Variants in ATP9B observed in about 807,000 individuals in gnomAD.
ATP9B encodes ATPase phospholipid transporting 9B.
A neutral mutation model predicts 146.1 loss-of-function variants in ATP9B; 110 were observed. The observed-to-expected ratio is 0.75, with a 90% confidence interval of 0.65 to 0.88. The LOEUF (loss-of-function observed/expected upper bound fraction) is 0.88. Among genes scored for constraint, ATP9B ranks in the 40% least tolerant of loss-of-function variants. The pLI is 0.00. For missense variants in ATP9B, 1,499 were observed against 1,496.4 expected (o/e 1.00, Z -0.03); for synonymous variants, 604 against 569.7 (o/e 1.06, Z -0.86).
intron 15 of ATP9B, among the ~76,000 whole-genome samples, chr18:79,314,132 A>T (rs568794064): frequency 6.6e-6 from 1 of 152,216 alleles, no homozygotes; most frequent in Non-Finnish European, 1.5e-5. Context: ...GATGTTTTCT[A>T]TTTAACCTCA....
chr18:79,222,851 T>C (rs985352702), intron 11 of ATP9B, among the ~76,000 whole-genome samples: 7 of 152,244 alleles, frequency 4.6e-5, no homozygotes, highest in Non-Finnish European at 8.8e-5. Context: ...GACTCGTTTA[T>C]AAAAGCCAGC....
At chr18:79,184,587 T>C (rs1453674109) in intron 8 of ATP9B, among the ~76,000 whole-genome samples, 1 of 152,184 alleles carries the variant, frequency 6.6e-6, no homozygotes, top group African/African-American at 2.4e-5. Context: ...TTTATTAAGG[T>C]AAGTTTTATC....
intron 13 of ATP9B, among the ~76,000 whole-genome samples, chr18:79,285,094 T>A (rs1323783983): frequency 2.6e-5 from 4 of 151,542 alleles, no homozygotes; most frequent in Non-Finnish European, 5.9e-5. Context: ...TGTGCATGTG[T>A]CTTTATAGCA....
intron 15 of ATP9B, among the ~76,000 whole-genome samples, chr18:79,317,276 AACTT>A (rs1447671206): frequency 6.6e-6 from 1 of 152,200 alleles, no homozygotes; most frequent in Non-Finnish European, 1.5e-5. Context: ...ATCAGAGTAA[AACTT>A]ATTTTTTTCA....
chr18:79,308,959 G>A (rs77232574), intron 15 of ATP9B, among the ~76,000 whole-genome samples: 32 of 29,756 alleles, frequency 1.1e-3, no homozygotes, highest in African/African-American at 3.7e-3. Flanking sequence ...AGAAGGTCAG[G>A]GGCTGAGGAG....
At chr18:79,274,911 G>A (rs570058311) in intron 12 of ATP9B, among the ~76,000 whole-genome samples, 249 of 152,276 alleles carry the variant, frequency 1.6e-3, no homozygotes, top group African/African-American at 5.8e-3. Flanking sequence ...CCACGGAAAC[G>A]GTTTCATGAG....
chr18:79,096,490 A>G lies in ATP9B; in HGVS notation c.134A>G (p.Asp45Gly). The change falls in exon 2 of 30, where the codon GAT (aspartate) becomes GGT (glycine). Residue 45 changes from aspartate to glycine, a missense_variant. Transcript: ENST00000426216. ...ADRHSRYQLE[D>G]ESAHLDEMPL... ...ACCCTAACTAGGTACCAGCTGGAGGATGAGTCTGCGCATTTGGATGAAATG... is the reference window on the plus strand; with the variant it reads ...ACCCTAACTAGGTACCAGCTGGAGGGTGAGTCTGCGCATTTGGATGAAATG... 2 of 1,614,014 alleles carry G rather than the reference A, an allele frequency of 1.2e-6. No homozygotes were observed. Among genetic ancestry groups the G allele is most frequent in the South Asian group, 2.2e-5 (2 of 91,080 alleles).
At chr18:79,127,467 G>A (rs1466359042) in intron 5 of ATP9B, among the ~76,000 whole-genome samples, 2 of 152,132 alleles carry the variant, frequency 1.3e-5, no homozygotes, top group Non-Finnish European at 2.9e-5. Flanking sequence ...TATGCAATGT[G>A]TGGTCCTTGG....
rs574927500 is a variant in ATP9B, at chr18:79,369,260, C to T, written c.3013-3565C>T. Among the ~76,000 whole-genome samples, 107 of 146,970 alleles carry T rather than the reference C, an allele frequency of 7.3e-4. 1 individual carries two copies. Among genetic ancestry groups the T allele is most frequent in the African/African-American group, 2.1e-3 (84 of 39,450 alleles). On this transcript the variant is annotated intron_variant, in intron 26 of 29. Transcript: ENST00000426216. ...AAAAATACAAAAAAAATGAGCCGGGCGTGGTGGCTCACGCCTGTAATCCCA... is the reference window on the plus strand; with the variant it reads ...AAAAATACAAAAAAAATGAGCCGGGTGTGGTGGCTCACGCCTGTAATCCCA...
intron 8 of ATP9B, among the ~76,000 whole-genome samples, chr18:79,185,073 C>T (rs4799017): frequency 0.55 from 83,183 of 151,578 alleles, 24,421 homozygotes; most frequent in African/African-American, 0.77. Context: ...CAGCAGGTGA[C>T]AGAGGTTAGC....
intron 5 of ATP9B, among the ~76,000 whole-genome samples, chr18:79,138,379 C>T (rs1433171300): frequency 1.3e-5 from 2 of 152,126 alleles, no homozygotes; most frequent in Non-Finnish European, 2.9e-5. Flanking sequence ...TTACATTTCA[C>T]ACACCTTTGC....
intron 6 of ATP9B, among the ~76,000 whole-genome samples, chr18:79,148,342 CAAT>C (rs754893115): frequency 2.6e-5 from 4 of 151,970 alleles, no homozygotes; most frequent in Non-Finnish European, 5.9e-5. Flanking sequence ...GAAAAAAGTA[CAAT>C]AAAAGAAAAC....
chr18:79,282,530 A>G (rs1403159239), intron 13 of ATP9B, among the ~76,000 whole-genome samples: 2 of 152,254 alleles, frequency 1.3e-5, no homozygotes, highest in Admixed American at 1.3e-4. Context: ...CTGAAGGCTC[A>G]GATGATTGTT....
chr18:79,310,757 C>T (rs1233337298), intron 15 of ATP9B, among the ~76,000 whole-genome samples: 1 of 152,078 alleles, frequency 6.6e-6, no homozygotes. Context: ...GGTTTTTAAA[C>T]TTGTCTGTAC....
rs112142290 is a variant in ATP9B at position 79,336,979 on chromosome 18, A to T, written c.2112+268A>T. ...GATAACTCCTCAATGATCACAGTCC[A>T]GCCGAGCTGAGTACACATAGAGTAT... On this transcript the variant is annotated intron_variant, in intron 18 of 29. Transcript: ENST00000426216. 7.3e-3 allele frequency among the ~76,000 whole-genome samples: 990 copies of T among 134,844 alleles called. 5 individuals carry two copies. Among genetic ancestry groups the T allele is most frequent in the African/African-American group, 0.025 (928 of 36,772 alleles). 88.5% of individuals were successfully genotyped at this position (134,844 alleles called of 152,430 possible). A position where few individuals can be genotyped will look rare whatever the true frequency, so the allele number is the denominator to read the frequency against.
At chr18:79,351,670 C>A (rs1448368993) in intron 25 of ATP9B, among the ~76,000 whole-genome samples, 1 of 152,196 alleles carries the variant, frequency 6.6e-6, no homozygotes, top group Admixed American at 6.5e-5. Context: ...GCATTCATTT[C>A]ATCAGCTCTG....
At chr18:79,072,824 T>C (rs956525832) in intron 1 of ATP9B, among the ~76,000 whole-genome samples, 2 of 151,656 alleles carry the variant, frequency 1.3e-5, no homozygotes, top group African/African-American at 4.8e-5. Context: ...GAGGGGCTCC[T>C]CACCTCTCAG....
At chr18:79,095,486 T>TC (rs1205763467) in intron 1 of ATP9B, 1 of 152,242 alleles carries the variant, frequency 6.6e-6, no homozygotes, top group Non-Finnish European at 1.5e-5. Flanking sequence ...TACTTACTTT[T>TC]CTCCTTATGT....
chr18:79,195,849 A>T (rs963337141), intron 9 of ATP9B, among the ~76,000 whole-genome samples: 3 of 152,208 alleles, frequency 2.0e-5, no homozygotes, highest in Non-Finnish European at 2.9e-5. Flanking sequence ...AAGTTGATGG[A>T]TGTGGAAGAT....
Sources: allele counts gnomAD v4.1 joint callset (sites outside exome capture counted in the v4.1 genomes callset), GRCh38; gene constraint gnomAD v4.1.1; transcripts MANE v1.5; gene names NCBI Gene and HGNC (gene_info 2026-07-23, HGNC 2026-07-21).